ACER3: variants seen among roughly 807,000 people sequenced by gnomAD.
The protein encoded by ACER3 is alkaline ceramidase 3.
Under a neutral mutation model 48.9 loss-of-function variants are expected in ACER3, and 16 were observed. That is an observed-to-expected ratio of 0.33 (90% confidence interval 0.22 to 0.50). ACER3 has a LOEUF of 0.50. Ranked by LOEUF, ACER3 falls within the 20% of genes least tolerant of loss-of-function variation. ACER3 has a pLI of 0.98. For synonymous variants in ACER3, 109 were observed against 107.8 expected (o/e 1.01, Z -0.07); for missense variants, 227 against 326.0 (o/e 0.70, Z 2.34).
intron 7 of ACER3, among the ~76,000 whole-genome samples, chr11:77,005,992 T>TATACATATATATATA (rs1491403985): frequency 0.49 from 34,180 of 69,098 alleles, 9,057 homozygotes; most frequent in Non-Finnish European, 0.65. Flanking sequence ...TATATATATA[T>TATACATATATATATA]TTTTTTTTTT....
intron 6 of ACER3, chr11:76,994,302 G>A (rs1287274485): frequency 3.9e-5 from 15 of 386,222 alleles, no homozygotes; most frequent in Non-Finnish European, 7.1e-5. Flanking sequence ...GCTAATTTTT[G>A]TATTTTTAGT....
At chr11:76,927,608 C>G (rs375819921) in intron 2 of ACER3, among the ~76,000 whole-genome samples, 10 of 152,194 alleles carry the variant, frequency 6.6e-5, no homozygotes, top group Admixed American at 5.9e-4. Context: ...ATCCCTCCCC[C>G]CTTCCCCCAC....
chr11:76,862,734 A>G (rs1225654187), intron 1 of ACER3, among the ~76,000 whole-genome samples: 2 of 152,364 alleles, frequency 1.3e-5, no homozygotes, highest in Admixed American at 6.5e-5. Context: ...CAATATAAGG[A>G]AAAACCTTCT....
At chr11:76,938,599 G>A (rs73489516) in intron 2 of ACER3, among the ~76,000 whole-genome samples, 4,003 of 152,244 alleles carry the variant, frequency 0.026, 171 homozygotes, top group African/African-American at 0.091. Flanking sequence ...GATTACAGGT[G>A]TGAGCCAGCA....
intron 1 of ACER3, among the ~76,000 whole-genome samples, chr11:76,865,511 A>ATT (rs112234258): frequency 1.7e-4 from 24 of 142,236 alleles, no homozygotes; most frequent in African/African-American, 5.7e-4. Flanking sequence ...CTCAGATTGC[A>ATT]TTTTTTTTTT....
intron 5 of ACER3, among the ~76,000 whole-genome samples, chr11:76,986,973 G>A (rs1948698177): frequency 6.6e-6 from 1 of 152,256 alleles, no homozygotes; most frequent in Non-Finnish European, 1.5e-5. Flanking sequence ...GGCTGAGGTG[G>A]GAGAATTGCT....
chr11:76,937,055 T>A (rs538559402), intron 2 of ACER3, among the ~76,000 whole-genome samples: 1 of 152,190 alleles, frequency 6.6e-6, no homozygotes, highest in African/African-American at 2.4e-5. Flanking sequence ...GATGAAAAAT[T>A]CAATAGGAAA....
At chr11:77,020,174 C>A in intron 10 of ACER3, 100 bp from the exon 11 acceptor site, 1 of 1,251,078 alleles carries the variant, frequency 8.0e-7, no homozygotes, top group Non-Finnish European at 1.1e-6. Flanking sequence ...AGCAAACCTA[C>A]GTATAGTCAT....
intron 2 of ACER3, among the ~76,000 whole-genome samples, chr11:76,944,349 C>A (rs1034960089): frequency 6.6e-6 from 1 of 152,020 alleles, no homozygotes; most frequent in Non-Finnish European, 1.5e-5. Context: ...ATTGACCTTT[C>A]GTTTCCATGT....
chr11:76,965,637 G>C lies in ACER3; in HGVS notation c.267+6606G>C, dbSNP rs543883828. On this transcript the variant is annotated intron_variant, in intron 3 of 10. Coordinates refer to ENST00000532485, the MANE Select transcript of ACER3 (RefSeq NM_018367.7). The stretch of plus-strand genomic sequence containing the variant: ...AGCAGAAACTCTACAAGCCAGAAGA[G>C]AGTGGGGGCCAATATTCAACATTCT... Among the ~76,000 whole-genome samples the C allele has an allele frequency of 4.1e-3, 622 of 151,416 alleles. 2 individuals carry two copies. The highest frequency in any genetic ancestry group is 7.0e-3 in the Non-Finnish European group (477 of 68,024).
intron 5 of ACER3, 79 bp downstream of exon 5, chr11:76,985,803 T>C (rs1034523288): frequency 1.3e-6 from 1 of 795,570 alleles, no homozygotes; most frequent in Non-Finnish European, 1.9e-6. Flanking sequence ...ACTTCCAGTA[T>C]TTGCTTCATG....
intron 7 of ACER3, among the ~76,000 whole-genome samples, chr11:77,010,035 A>G (rs1949229351): frequency 6.6e-6 from 1 of 152,152 alleles, no homozygotes; most frequent in Non-Finnish European, 1.5e-5. Context: ...TGGGCTAGAA[A>G]AAATTTGCCC....
intron 6 of ACER3, among the ~76,000 whole-genome samples, chr11:76,995,959 C>G (rs1186726058): frequency 6.6e-6 from 1 of 152,216 alleles, no homozygotes; most frequent in Non-Finnish European, 1.5e-5. Context: ...AATCCAACTT[C>G]TGCTAGAGGT....
intron 7 of ACER3, among the ~76,000 whole-genome samples, chr11:77,001,372 C>T (rs1236817899): frequency 1.3e-5 from 2 of 152,178 alleles, no homozygotes; most frequent in African/African-American, 4.8e-5. Context: ...TCTCCTGCCT[C>T]AGCCTCCCCA....
chr11:76,869,379 A>G (rs1945183800), intron 1 of ACER3, among the ~76,000 whole-genome samples: 2 of 152,234 alleles, frequency 1.3e-5, no homozygotes, highest in Non-Finnish European at 1.5e-5. Context: ...AGGTGCTATG[A>G]TCGCTTATTA....
intron 3 of ACER3, among the ~76,000 whole-genome samples, chr11:76,973,432 G>A (rs1261695685): frequency 6.6e-6 from 1 of 152,118 alleles, no homozygotes; most frequent in Non-Finnish European, 1.5e-5. Flanking sequence ...TTTTATCTGA[G>A]GACCCCAGGG....
intron 1 of ACER3, among the ~76,000 whole-genome samples, chr11:76,882,881 A>G (rs915270593): frequency 2.6e-5 from 4 of 152,154 alleles, no homozygotes; most frequent in African/African-American, 9.7e-5. Context: ...AACCTGTTAT[A>G]TGCACGTGTG....
At chr11:76,977,191 CA>C (rs781766950) in intron 4 of ACER3, among the ~76,000 whole-genome samples, 5 of 152,164 alleles carry the variant, frequency 3.3e-5, no homozygotes, top group Non-Finnish European at 7.3e-5. Flanking sequence ...GCATACTGGC[CA>C]GGCCATTGTC....
chr11:76,959,231 G>A lies in ACER3; in HGVS notation c.267+200G>A, dbSNP rs551928333. Reference sequence around the variant, plus strand: ...TCCATAAGGAAAACAAGTACAAATAGTATAGGGCTTTTTGACCATCTCTGT... The same window carrying A: ...TCCATAAGGAAAACAAGTACAAATAATATAGGGCTTTTTGACCATCTCTGT... On this transcript the variant is annotated intron_variant, in intron 3 of 10. Transcript: ENST00000532485. The A allele has an allele frequency of 1.5e-5, 21 of 1,438,868 alleles. No homozygotes were observed. The South Asian group carries it at 2.7e-4, about 19-fold the overall frequency. 89.1% of individuals were successfully genotyped at this position (1,438,868 alleles called of 1,614,324 possible). A position where few individuals can be genotyped will look rare whatever the true frequency, so the allele number is the denominator to read the frequency against.
Sources: gnomAD v4.1 joint callset for allele counts (sites outside exome capture counted in the v4.1 genomes callset) on GRCh38, gnomAD v4.1.1 for gene constraint, MANE v1.5 for transcripts, NCBI Gene and HGNC (gene_info 2026-07-23, HGNC 2026-07-21) for gene names.